Variants in ZRANB3 observed in about 807,000 individuals in gnomAD.
ZRANB3 encodes the protein zinc finger RANBP2-type containing 3.
Under a neutral mutation model 133.8 loss-of-function variants are expected in ZRANB3, and 125 were observed. That is an observed-to-expected ratio of 0.93 (90% CI 0.81 to 1.08). The LOEUF (loss-of-function observed/expected upper bound fraction) is 1.08. Ranked by LOEUF, ZRANB3 falls within the 50% of genes least tolerant of loss-of-function variation. The pLI is 0.00. For synonymous variants in ZRANB3, 387 were observed against 432.7 expected (o/e 0.89, Z 1.31); for missense variants, 1,229 against 1,275.5 (o/e 0.96, Z 0.56).
At chr2:135,330,510 T>G (rs1269902373) in intron 6 of ZRANB3, among the ~76,000 whole-genome samples, 5 of 152,190 alleles carry the variant, frequency 3.3e-5, no homozygotes, top group Non-Finnish European at 5.9e-5. Context: ...TCATCTAAAA[T>G]TCTGTTTTTT....
intron 11 of ZRANB3, among the ~76,000 whole-genome samples, chr2:135,266,100 T>C (rs1474295565): frequency 6.6e-6 from 1 of 152,112 alleles, no homozygotes; most frequent in East Asian, 1.9e-4. Flanking sequence ...TCCCAGCTCC[T>C]TGGGAGGGTA....
intron 6 of ZRANB3, among the ~76,000 whole-genome samples, chr2:135,319,180 G>A (rs1025180839): frequency 6.6e-6 from 1 of 151,920 alleles, no homozygotes; most frequent in Non-Finnish European, 1.5e-5. Flanking sequence ...ACAGAATTAC[G>A]AATAAAAAGT....
intron 12 of ZRANB3, among the ~76,000 whole-genome samples, chr2:135,250,457 G>C (rs1239970922): frequency 1.3e-5 from 2 of 152,186 alleles, no homozygotes; most frequent in Non-Finnish European, 2.9e-5. Flanking sequence ...CAAGACCATG[G>C]GGAAAATGTC....
Position 135,217,584 on chromosome 2 carries a change from C to A in ZRANB3, c.2376G>T (p.Trp792Cys), listed in dbSNP as rs1448662441. 1.2e-6 allele frequency: 2 copies of A among 1,612,400 alleles called. No homozygotes were observed. The highest frequency in any genetic ancestry group is 1.7e-6 in the Non-Finnish European group (2 of 1,179,560). Residue 792 changes from tryptophan to cysteine, a missense_variant, in exon 17 of 21, where the codon TGG becomes TGT. Physicochemically the swap from Trp to Cys is radical, Grantham distance 215 (BLOSUM62 -2). Coordinates refer to ENST00000264159, the MANE Select transcript of ZRANB3 (RefSeq NM_032143.4). ...TTTGCTTCATGGCAGTTAGACTACT[C>A]CATTCTCGAACAAATCTCAAAATCT... ...RSLILRFVRE[W>C]SSLTAMKQRI...
chr2:135,217,704 T>C, intron 16 of ZRANB3, 97 bp from the exon 17 acceptor site: 2 of 1,421,650 alleles, frequency 1.4e-6, no homozygotes, highest in Middle Eastern at 1.8e-4. Flanking sequence ...TGCTATTTTG[T>C]TATGTCCCCC....
chr2:135,501,862 T>G (rs1296618847), intron 2 of ZRANB3, among the ~76,000 whole-genome samples: 1 of 152,202 alleles, frequency 6.6e-6, no homozygotes, highest in African/African-American at 2.4e-5. Context: ...TGCATGTGGC[T>G]GTCCCACTAT....
At chr2:135,396,980 T>C (rs1471229885) in intron 2 of ZRANB3, among the ~76,000 whole-genome samples, 2 of 151,994 alleles carry the variant, frequency 1.3e-5, no homozygotes, top group Non-Finnish European at 2.9e-5. Flanking sequence ...TTAAAAATAT[T>C]AGCCAGGTGT....
At chr2:135,438,374 G>T (rs935145476) in intron 2 of ZRANB3, among the ~76,000 whole-genome samples, 1 of 151,890 alleles carries the variant, frequency 6.6e-6, no homozygotes, top group Admixed American at 6.6e-5. Flanking sequence ...GCATGGTGGC[G>T]TGCACCTGTA....
intron 3 of ZRANB3, among the ~76,000 whole-genome samples, chr2:135,370,573 C>T (rs1013716726): frequency 1.3e-5 from 2 of 152,026 alleles, no homozygotes; most frequent in Non-Finnish European, 2.9e-5. Context: ...TTGTTGCATA[C>T]AGGAGTAAAA....
intron 2 of ZRANB3, among the ~76,000 whole-genome samples, chr2:135,399,257 C>T (rs1164166551): frequency 2.6e-5 from 4 of 152,124 alleles, no homozygotes; most frequent in African/African-American, 4.8e-5. Flanking sequence ...CTTATGTATC[C>T]TTCTAGAAGT....
intron 2 of ZRANB3, among the ~76,000 whole-genome samples, chr2:135,414,490 C>A (rs1279292320): frequency 5.9e-5 from 9 of 152,020 alleles, no homozygotes. Context: ...CTTAGACTCC[C>A]ACATAATAAT....
At chr2:135,518,230 T>C (rs1574244176) in intron 1 of ZRANB3, among the ~76,000 whole-genome samples, 1 of 152,146 alleles carries the variant, frequency 6.6e-6, no homozygotes, top group Middle Eastern at 3.4e-3. Flanking sequence ...GTAGAACACT[T>C]GGCTCCCTAG....
intron 1 of ZRANB3, chr2:135,511,970 A>G: frequency 5.6e-6 from 4 of 718,852 alleles, no homozygotes; most frequent in South Asian, 1.5e-5. Context: ...AACTGAGGGG[A>G]AAAAGTCAAA....
intron 2 of ZRANB3, among the ~76,000 whole-genome samples, chr2:135,497,144 C>A (rs1464129653): frequency 1.3e-5 from 2 of 152,158 alleles, no homozygotes; most frequent in Non-Finnish European, 1.5e-5. Context: ...ATGAAATACT[C>A]TGTATTATAA....
At chr2:135,263,444 T>C (rs2105109842) in intron 12 of ZRANB3, among the ~76,000 whole-genome samples, 1 of 152,296 alleles carries the variant, frequency 6.6e-6, no homozygotes, top group South Asian at 2.1e-4. Flanking sequence ...TGAGAATATA[T>C]TCTGTATATT....
chr2:135,377,722 ATAAT>A (rs1399889949), intron 3 of ZRANB3, among the ~76,000 whole-genome samples: 2 of 152,252 alleles, frequency 1.3e-5, no homozygotes, highest in African/African-American at 4.8e-5. Context: ...TGAATTCCAA[ATAAT>A]TTATGTATTT....
At chr2:135,226,717 G>A (rs2105062689) in intron 14 of ZRANB3, among the ~76,000 whole-genome samples, 1 of 152,308 alleles carries the variant, frequency 6.6e-6, no homozygotes, top group South Asian at 2.1e-4. Flanking sequence ...ACAATTGCCA[G>A]GTGTTGGTTC....
chr2:135,350,996 T>C (rs1212144289), intron 4 of ZRANB3, among the ~76,000 whole-genome samples: 1 of 152,222 alleles, frequency 6.6e-6, no homozygotes, highest in African/African-American at 2.4e-5. Flanking sequence ...GAATGTGTCT[T>C]ATTCATCTTT....
At chr2:135,503,367 A>G (rs558942831) in intron 2 of ZRANB3, among the ~76,000 whole-genome samples, 1 of 152,350 alleles carries the variant, frequency 6.6e-6, no homozygotes, top group African/African-American at 2.4e-5. Flanking sequence ...AAATGTTAAT[A>G]ATAAACTGTG....
Sources: allele counts gnomAD v4.1 joint callset (sites outside exome capture counted in the v4.1 genomes callset), GRCh38; gene constraint gnomAD v4.1.1; transcripts MANE v1.5; gene names NCBI Gene and HGNC (gene_info 2026-07-23, HGNC 2026-07-21).